Variants in ARHGEF3 observed in about 807,000 individuals in gnomAD.
ARHGEF3 encodes the protein 59.8 kDA protein.
A neutral mutation model predicts 63.2 loss-of-function variants in ARHGEF3; 28 were observed. That is an observed-to-expected ratio of 0.44 (90% CI 0.33 to 0.61). ARHGEF3 has a LOEUF of 0.61. Ranked by LOEUF, ARHGEF3 falls within the 20% of genes least tolerant of loss-of-function variation. The pLI, the probability that ARHGEF3 is intolerant of heterozygous loss-of-function variation, is 0.03. For missense variants in ARHGEF3, 533 were observed against 659.3 expected (o/e 0.81, Z 2.10); for synonymous variants, 266 against 254.2 (o/e 1.05, Z -0.44).
intron 2 of ARHGEF3, among the ~76,000 whole-genome samples, chr3:57,020,429 T>C (rs1703206879): frequency 6.6e-6 from 1 of 152,132 alleles, no homozygotes; most frequent in African/African-American, 2.4e-5. Flanking sequence ...CACCTGGCCT[T>C]CCCATTGGGG....
At chr3:56,775,625 G>A (rs1013296530) in intron 1 of ARHGEF3, 1 of 985,652 alleles carries the variant, frequency 1.0e-6, no homozygotes, top group South Asian at 4.7e-5. Context: ...AATGATTTAA[G>A]TGCTGAAGGG....
At chr3:56,749,999 T>C (rs2107752044) in intron 6 of ARHGEF3, among the ~76,000 whole-genome samples, 1 of 152,036 alleles carries the variant, frequency 6.6e-6, no homozygotes, top group South Asian at 2.1e-4. Flanking sequence ...AGAACTCACA[T>C]AGCAACAGTA....
intron 4 of ARHGEF3, among the ~76,000 whole-genome samples, chr3:56,839,231 T>C (rs2039228700): frequency 6.6e-6 from 1 of 152,180 alleles, no homozygotes; most frequent in South Asian, 2.1e-4. Flanking sequence ...TGCATTTGCA[T>C]ACACACATTT....
At chr3:57,010,460 A>C (rs1702650957) in intron 2 of ARHGEF3, among the ~76,000 whole-genome samples, 1 of 151,840 alleles carries the variant, frequency 6.6e-6, no homozygotes, top group Non-Finnish European at 1.5e-5. Flanking sequence ...CATCTCAAAA[A>C]AAAAAAAAAA....
chr3:56,937,881 C>A (rs1233361035), intron 3 of ARHGEF3, among the ~76,000 whole-genome samples: 1 of 152,226 alleles, frequency 6.6e-6, no homozygotes, highest in Non-Finnish European at 1.5e-5. Context: ...ATTAAATGGA[C>A]TTCCCTGAAG....
chr3:56,986,824 A>C (rs1379727759), intron 2 of ARHGEF3, among the ~76,000 whole-genome samples: 1 of 151,870 alleles, frequency 6.6e-6, no homozygotes, highest in African/African-American at 2.4e-5. Context: ...AAAAAAAGAT[A>C]AAAATAAAAA....
chr3:56,850,238 G>T (rs1444499611), intron 4 of ARHGEF3, among the ~76,000 whole-genome samples: 2 of 152,132 alleles, frequency 1.3e-5, no homozygotes, highest in African/African-American at 4.8e-5. Flanking sequence ...TATAAACTTG[G>T]TTATTTGGGT....
chr3:56,736,367 G>C (rs2033626619), intron 8 of ARHGEF3, among the ~76,000 whole-genome samples: 1 of 152,128 alleles, frequency 6.6e-6, no homozygotes, highest in Non-Finnish European at 1.5e-5. Flanking sequence ...AACCATTTCA[G>C]TATCTACATG....
intron 1 of ARHGEF3, among the ~76,000 whole-genome samples, chr3:57,046,348 T>C (rs1704454059): frequency 6.6e-6 from 1 of 152,200 alleles, no homozygotes; most frequent in South Asian, 2.1e-4. Flanking sequence ...GGTCCAGACC[T>C]CCCAAACTTC....
chr3:56,735,659 G>A (rs1156322099), intron 8 of ARHGEF3, among the ~76,000 whole-genome samples: 1 of 152,164 alleles, frequency 6.6e-6, no homozygotes, highest in Non-Finnish European at 1.5e-5. Context: ...CAAGGAGCTT[G>A]GTGTAAGATA....
At chr3:56,859,431 G>A (rs2039993260) in intron 4 of ARHGEF3, among the ~76,000 whole-genome samples, 1 of 150,710 alleles carries the variant, frequency 6.6e-6, no homozygotes. Flanking sequence ...GAGCCACCGT[G>A]CTCAGCCTGT....
chr3:56,947,194 C>T (rs1201974051), intron 3 of ARHGEF3, among the ~76,000 whole-genome samples: 2 of 152,142 alleles, frequency 1.3e-5, no homozygotes, highest in African/African-American at 2.4e-5. Flanking sequence ...TAAAGACCAT[C>T]GAGGCTAGGA....
At chr3:56,836,990 C>T (rs894708411) in intron 4 of ARHGEF3, among the ~76,000 whole-genome samples, 4 of 152,104 alleles carry the variant, frequency 2.6e-5, no homozygotes, top group South Asian at 2.1e-4. Context: ...GTCTGCATTA[C>T]GTAATCTTTA....
At chr3:56,980,822 G>T (rs1203054125) in intron 2 of ARHGEF3, among the ~76,000 whole-genome samples, 2 of 152,250 alleles carry the variant, frequency 1.3e-5, no homozygotes, top group Admixed American at 6.5e-5. Flanking sequence ...CAGCCAAGAA[G>T]CAGCAATGCT....
chr3:56,969,774 AG>A (rs1700828320), intron 2 of ARHGEF3, among the ~76,000 whole-genome samples: 1 of 152,010 alleles, frequency 6.6e-6, no homozygotes, highest in Non-Finnish European at 1.5e-5. Context: ...AGAAAGAAAA[AG>A]AAAAGAAAAG....
intron 4 of ARHGEF3, among the ~76,000 whole-genome samples, chr3:56,811,439 G>A (rs2038060499): frequency 6.6e-6 from 1 of 152,184 alleles, no homozygotes; most frequent in Non-Finnish European, 1.5e-5. Flanking sequence ...TCAACTAGTA[G>A]AAACAGGTTC....
In ARHGEF3 at chr3:56,906,177, C is replaced by A. The variant is rs189021110; in HGVS notation, c.130-23823G>T. Among the ~76,000 whole-genome samples, 6 of 152,206 alleles carry A rather than the reference C, an allele frequency of 3.9e-5. No individual in the cohort carries two copies. The South Asian group carries it at 6.2e-4, about 16-fold the overall frequency. On this transcript the variant is annotated intron_variant, in intron 3 of 12. Transcript: ENST00000338458. ...CGCGCCCAGTCCAATATGGGAGCCA[C>A]GAGGTACATGTGACTGTTTAAATTC...
chr3:57,006,190 A>G (rs1702460237), intron 2 of ARHGEF3, among the ~76,000 whole-genome samples: 2 of 152,200 alleles, frequency 1.3e-5, no homozygotes, highest in Admixed American at 1.3e-4. Flanking sequence ...CACATAAAGC[A>G]AGTGTATATA....
rs1484270334 is a variant in ARHGEF3 at position 56,727,946 on chromosome 3, A to C, written c.*1324T>G. 3.9e-5 allele frequency: 6 copies of C among 152,676 alleles called. No homozygotes were observed. The highest frequency in any genetic ancestry group is 2.1e-4 in the South Asian group (1 of 4,838). The allele number at this position is 152,676 out of a possible 1,614,324, so 9.5% of individuals were successfully genotyped here. Reference sequence around the variant, plus strand: ...GTAAACTTGAAAGACAGATTAAAAAAAACTTTTTGGCAATAATTTAGAATA... The same window carrying C: ...GTAAACTTGAAAGACAGATTAAAAACAACTTTTTGGCAATAATTTAGAATA... On this transcript the variant is annotated 3_prime_UTR_variant, in exon 10 of 10. Transcript: ENST00000296315.
Sources: gnomAD v4.1 joint callset for allele counts (sites outside exome capture counted in the v4.1 genomes callset) on GRCh38, gnomAD v4.1.1 for gene constraint, MANE v1.5 for transcripts, NCBI Gene and HGNC (gene_info 2026-07-23, HGNC 2026-07-21) for gene names.